The following ACADL variants were observed in gnomAD, a reference collection of about 807,000 sequenced individuals.
The protein encoded by ACADL is acyl-CoA dehydrogenase long chain, also known as long-chain specific acyl-CoA dehydrogenase, mitochondrial.
Under a neutral mutation model 56.9 loss-of-function variants are expected in ACADL, and 60 were observed. The ratio of observed to expected loss-of-function variants is 1.05; its 90% confidence interval spans 0.86 to 1.31. The LOEUF (loss-of-function observed/expected upper bound fraction) is 1.31. Ranked by LOEUF, ACADL falls within the 50% of genes most tolerant of loss-of-function variation. The pLI is 0.00. For synonymous variants in ACADL, 158 were observed against 179.7 expected (o/e 0.88, Z 0.97); for missense variants, 484 against 525.5 (o/e 0.92, Z 0.77).
At chr2:210,198,424 A>G (rs1357782685) in intron 8 of ACADL, among the ~76,000 whole-genome samples, 1 of 152,096 alleles carries the variant, frequency 6.6e-6, no homozygotes, top group Non-Finnish European at 1.5e-5. Context: ...AAGAAGTATT[A>G]TTTTTTTCCT....
rs191585034 is a variant in ACADL at position 210,221,256 on chromosome 2, G to A, written c.78-454C>T. On this transcript the variant is annotated intron_variant, in intron 1 of 10. Transcript: ENST00000233710. ...AATCACACAATTTCAAATTGCAGGT[G>A]TATAAGATGCAAACCATGTTGATGT... 3.0e-4 allele frequency among the ~76,000 whole-genome samples: 45 copies of A among 152,286 alleles called. No homozygotes were observed. In the East Asian group the frequency reaches 6.2e-3, roughly 21 times the overall value.
At chr2:210,198,918 C>T (rs539854350) in intron 8 of ACADL, among the ~76,000 whole-genome samples, 2 of 152,000 alleles carry the variant, frequency 1.3e-5, no homozygotes, top group South Asian at 2.1e-4. Flanking sequence ...TTTAAAAATC[C>T]TAATAATTAT....
chr2:210,211,794 T>G (rs2125715052), intron 4 of ACADL, among the ~76,000 whole-genome samples: 1 of 151,754 alleles, frequency 6.6e-6, no homozygotes, highest in East Asian at 1.9e-4. Context: ...AACTGAGTAA[T>G]AAATACAGTG....
rs1298817675 is a variant in ACADL at position 210,192,860 on chromosome 2, G to A, written c.1143C>T (p.Tyr381=). The A allele has an allele frequency of 2.5e-6, 4 of 1,613,696 alleles. No homozygotes were observed. Among genetic ancestry groups the A allele is most frequent in the East Asian group, 2.2e-5 (1 of 44,792 alleles). The change falls in exon 10 of 11, where the codon TAC becomes TAT. Residue 381 remains tyrosine, a synonymous_variant. Transcript: ENST00000233710. ...AACCTCCATGGAGCTGTACACAGTC[G>A]TAAGCTACACTATTTTGTAACTCAG... ...WASELQNSVA[Y]DCVQLHGGWG...
At chr2:210,189,584 A>C (rs1217548130) in intron 10 of ACADL, among the ~76,000 whole-genome samples, 1 of 152,040 alleles carries the variant, frequency 6.6e-6, no homozygotes, top group Middle Eastern at 3.2e-3. Flanking sequence ...GTTTTTTGGA[A>C]ATGGTTAATA....
At chr2:210,216,282 C>G (rs1189981784) in intron 4 of ACADL, 65 bp downstream of exon 4, 2 of 1,567,860 alleles carry the variant, frequency 1.3e-6, no homozygotes, top group East Asian at 4.5e-5. Context: ...ATGTATTAAC[C>G]AAGTACTAAG....
intron 2 of ACADL, among the ~76,000 whole-genome samples, 199 bp downstream of exon 2, chr2:210,220,448 T>G (rs1425411857): frequency 6.6e-6 from 1 of 152,184 alleles, no homozygotes; most frequent in Non-Finnish European, 1.5e-5. Context: ...ATTTTCTTAT[T>G]TGTGTATAGT....
chr2:210,207,589 G>T (rs1193369636), intron 5 of ACADL, among the ~76,000 whole-genome samples: 1 of 152,102 alleles, frequency 6.6e-6, no homozygotes, highest in South Asian at 2.1e-4. Context: ...AAATTCTCCA[G>T]GCTGGGTTAA....
At chr2:210,214,509 A>AAGAAAGAAAGAAAAAGAAAG (rs1553690970) in intron 4 of ACADL, among the ~76,000 whole-genome samples, 3 of 18,898 alleles carry the variant, frequency 1.6e-4, no homozygotes, top group African/African-American at 2.5e-4. Context: ...GAAAGAAAGA[A>AAGAAAGAAAGAAAAAGAAAG]AAAGAAAGAA....
intron 3 of ACADL, 174 bp from the exon 4 acceptor site, chr2:210,216,685 G>C (rs1575680672): frequency 1.6e-6 from 1 of 611,074 alleles, no homozygotes. Flanking sequence ...TAAAATTTCT[G>C]GTTCCAACAC....
chr2:210,219,328 G>C (rs953855010), intron 2 of ACADL, among the ~76,000 whole-genome samples: 21 of 152,132 alleles, frequency 1.4e-4, no homozygotes, highest in African/African-American at 4.8e-4. Context: ...GCCCGATGTG[G>C]TGGTTCACAC....
intron 4 of ACADL, among the ~76,000 whole-genome samples, chr2:210,213,206 C>T (rs920574040): frequency 6.6e-6 from 1 of 152,060 alleles, no homozygotes; most frequent in East Asian, 1.9e-4. Flanking sequence ...TTTATTAAAA[C>T]AATTCTTCTA....
Position 210,192,888 on chromosome 2 carries a change from G to A in ACADL, c.1115C>T (p.Ala372Val). ...SATACMAKYW[A>V]SELQNSVAYD... Reference sequence around the variant, plus strand: ...AGCTACACTATTTTGTAACTCAGATGCCCTAAATGACCAAAATAAAAGGCA... The same window carrying A: ...AGCTACACTATTTTGTAACTCAGATACCCTAAATGACCAAAATAAAAGGCA... The change falls in exon 10 of 11, where the codon GCA becomes GTA. Residue 372 changes from alanine to valine, a missense_variant and splice_region_variant. Coordinates refer to ENST00000233710, the MANE Select transcript of ACADL (RefSeq NM_001608.4). 1.2e-6 allele frequency: 2 copies of A among 1,613,064 alleles called. No homozygotes were observed. Among genetic ancestry groups the A allele is most frequent in the Non-Finnish European group, 1.7e-6 (2 of 1,179,242 alleles).
intron 1 of ACADL, among the ~76,000 whole-genome samples, chr2:210,221,219 T>C (rs960486894): frequency 6.6e-6 from 1 of 152,216 alleles, no homozygotes; most frequent in Non-Finnish European, 1.5e-5. Flanking sequence ...CCAAAATTAG[T>C]ATTTTAACCA....
intron 9 of ACADL, among the ~76,000 whole-genome samples, chr2:210,194,614 C>G (rs1688680391): frequency 6.6e-6 from 1 of 152,102 alleles, no homozygotes; most frequent in African/African-American, 2.4e-5. Context: ...TTTTTATTCT[C>G]CTTTCACTTA....
rs994090006 is a variant in ACADL, at chr2:210,220,672, C to T, written c.208G>A (p.Glu70Lys). ...FRKSVRKFFQ[E>K]EVIPHHSEWE... The stretch of plus-strand genomic sequence containing the variant: ...TCTGAGTGATGAGGAATCACTTCTT[C>T]TTGGAAAAACTTCCTTACACTTTTC... Residue 70 changes from glutamate to lysine, a missense_variant, in exon 2 of 11, where the codon GAA (glutamate) becomes AAA (lysine). Coordinates refer to ENST00000233710, the MANE Select transcript of ACADL (RefSeq NM_001608.4). 5 of 1,613,276 alleles carry T rather than the reference C, an allele frequency of 3.1e-6. No individual in the cohort carries two copies. Among genetic ancestry groups the T allele is most frequent in the African/African-American group, 2.7e-5 (2 of 74,886 alleles).
At chr2:210,195,068 A>ATT (rs35516848) in intron 9 of ACADL, 143 bp downstream of exon 9, 94 of 1,069,472 alleles carry the variant, frequency 8.8e-5, no homozygotes, top group Non-Finnish European at 1.1e-4. Context: ...ACTTTTTAGC[A>ATT]TTTTTTTTTA....
At chr2:210,196,490 A>G (rs554937840) in intron 8 of ACADL, among the ~76,000 whole-genome samples, 2 of 152,166 alleles carry the variant, frequency 1.3e-5, no homozygotes, top group South Asian at 4.1e-4. Context: ...ACCATTCTCA[A>G]TTGTTGCTGA....
At chr2:210,219,111 A>G (rs1298192341) in intron 2 of ACADL, among the ~76,000 whole-genome samples, 1 of 152,180 alleles carries the variant, frequency 6.6e-6, no homozygotes, top group East Asian at 1.9e-4. Flanking sequence ...TTGGATTATC[A>G]TGTGTGTTTT....
Sources: gnomAD v4.1 joint callset for allele counts (sites outside exome capture counted in the v4.1 genomes callset) on GRCh38, gnomAD v4.1.1 for gene constraint, MANE v1.5 for transcripts, NCBI Gene and HGNC (gene_info 2026-07-23, HGNC 2026-07-21) for gene names.